Variants in ZEB2 observed in about 807,000 individuals in gnomAD.
ZEB2 encodes zinc finger E-box-binding homeobox 2.
A neutral mutation model predicts 99.9 loss-of-function variants in ZEB2; 6 were observed. The ratio of observed to expected loss-of-function variants is 0.06; its 90% CI spans 0.03 to 0.12. The LOEUF (loss-of-function observed/expected upper bound fraction) is 0.12, where lower values mean the gene tolerates loss of function less well. ZEB2 is among the 10% of genes least tolerant of loss of function. The pLI is 1.00. For missense variants in ZEB2, 969 were observed against 1,502.8 expected, an observed-to-expected ratio of 0.64 and a Z score of 5.87; for synonymous variants, 517 against 542.5, an observed-to-expected ratio of 0.95 and a Z score of 0.65.
At chr2:144,420,931 G>A (rs1375839159) in intron 4 of ZEB2, among the ~76,000 whole-genome samples, 1 of 152,152 alleles carries the variant, frequency 6.6e-6, no homozygotes, top group African/African-American at 2.4e-5. Context: ...GGCAATTCAG[G>A]ATTCTAAGAA....
chr2:144,422,736 G>A (rs898681008), intron 4 of ZEB2, among the ~76,000 whole-genome samples: 3 of 152,190 alleles, frequency 2.0e-5, no homozygotes, highest in African/African-American at 7.2e-5. Context: ...GGAGGGAGAG[G>A]TTGCAGTGAG....
At chr2:144,397,309 A>T (rs1206825301) in intron 8 of ZEB2, among the ~76,000 whole-genome samples, 1 of 152,230 alleles carries the variant, frequency 6.6e-6, no homozygotes, top group African/African-American at 2.4e-5. Flanking sequence ...TGTTTGTACT[A>T]ATTAATATTA....
At chr2:144,400,448 G>A in intron 7 of ZEB2, 178 bp from the exon 8 acceptor site, 1 of 713,458 alleles carries the variant, frequency 1.4e-6, no homozygotes, top group Non-Finnish European at 2.3e-6. Context: ...ATCTGCCCTG[G>A]GAGGACATAA....
chr2:144,391,646 C>T (rs906066527), intron 9 of ZEB2, among the ~76,000 whole-genome samples: 17 of 152,118 alleles, frequency 1.1e-4, no homozygotes, highest in Non-Finnish European at 2.1e-4. Flanking sequence ...AGGAAGCAGA[C>T]GTGTATTTGG....
At chr2:144,440,513 A>ATT (rs1404498896) in intron 2 of ZEB2, among the ~76,000 whole-genome samples, 4 of 24,100 alleles carry the variant, frequency 1.7e-4, no homozygotes, top group African/African-American at 7.4e-4. Flanking sequence ...ATATATATAT[A>ATT]TATTTTTTTT....
rs1553968382 is a variant in ZEB2, at chr2:144,483,148, A to ACACACACACACACACATG, written c.73+34129_73+34130insCATGTGTGTGTGTGTGTG. Among the ~76,000 whole-genome samples the ACACACACACACACACATG allele has an allele frequency of 1.1e-3, 156 of 144,116 alleles. 2 individuals carry two copies. Among genetic ancestry groups the ACACACACACACACACATG allele is most frequent in the African/African-American group, 3.7e-3 (148 of 39,640 alleles). The allele number at this position is 144,116 out of a possible 152,430, so 94.5% of individuals were successfully genotyped here. Reference sequence around the variant, plus strand: ...CACACACACACACACACACACACACACACACACACACACACATACCCTAAG... The same window carrying ACACACACACACACACATG: ...CACACACACACACACACACACACACACACACACACACACACATGCACACACACACACACATACCCTAAG... On this transcript the variant is annotated intron_variant, in intron 2 of 9. Coordinates refer to ENST00000627532, the MANE Select transcript of ZEB2 (RefSeq NM_014795.4).
chr2:144,476,026 C>A (rs1704425116), intron 2 of ZEB2, among the ~76,000 whole-genome samples: 1 of 152,152 alleles, frequency 6.6e-6, no homozygotes, highest in Non-Finnish European at 1.5e-5. Flanking sequence ...AATAAAACAG[C>A]CAGTGCAAAC....
intron 6 of ZEB2, among the ~76,000 whole-genome samples, chr2:144,402,485 A>G (rs1329159933): frequency 1.3e-5 from 2 of 152,184 alleles, no homozygotes; most frequent in Non-Finnish European, 2.9e-5. Flanking sequence ...TTGCATAAAC[A>G]AACAGCAACA....
chr2:144,390,096 T>G, intron 9 of ZEB2, 68 bp from the exon 10 acceptor site: 2 of 1,513,330 alleles, frequency 1.3e-6, no homozygotes, highest in Non-Finnish European at 1.8e-6. Flanking sequence ...ACTAATTCTG[T>G]ACGCGAGTCC....
In ZEB2 at chr2:144,517,704, A is replaced by C. The variant is rs1294927258; in HGVS notation, c.-69-285T>G. 1.0e-5 allele frequency: 7 copies of C among 702,072 alleles called. No homozygotes were observed. In the African/African-American group the frequency reaches 1.2e-4, roughly 12 times the overall value. 43.5% of individuals were successfully genotyped at this position (702,072 alleles called of 1,614,324 possible). Reference sequence around the variant, plus strand: ...CTCCTGACCGTATGAGGGAATGCACACGGCGGTACAGTAAGACCGCTTGAC... The same window carrying C: ...CTCCTGACCGTATGAGGGAATGCACCCGGCGGTACAGTAAGACCGCTTGAC... On this transcript the variant is annotated intron_variant, in intron 1 of 9. Transcript: ENST00000627532.
At chr2:144,426,049 GA>G (rs1384581078) in intron 3 of ZEB2, among the ~76,000 whole-genome samples, 1 of 152,060 alleles carries the variant, frequency 6.6e-6, no homozygotes, top group Non-Finnish European at 1.5e-5. Context: ...AATCAGAACT[GA>G]AAAATCATGA....
chr2:144,449,085 G>A (rs1704022620), intron 2 of ZEB2, among the ~76,000 whole-genome samples: 1 of 152,216 alleles, frequency 6.6e-6, no homozygotes, highest in South Asian at 2.1e-4. Flanking sequence ...AACTGGCTGA[G>A]CTTTCAGCCT....
At chr2:144,480,938 T>G (rs542864617) in intron 2 of ZEB2, among the ~76,000 whole-genome samples, 1 of 152,312 alleles carries the variant, frequency 6.6e-6, no homozygotes, top group South Asian at 2.1e-4. Context: ...TTCATACAGA[T>G]AGCTGCTTTT....
At chr2:144,396,674 G>T in intron 8 of ZEB2, 82 bp from the exon 9 acceptor site, 1 of 1,483,346 alleles carries the variant, frequency 6.7e-7, no homozygotes, top group Non-Finnish European at 9.2e-7. Flanking sequence ...GACATTTGGA[G>T]AACCTCAAAA....
chr2:144,476,626 A>T (rs1458547784), intron 2 of ZEB2, among the ~76,000 whole-genome samples: 2 of 152,212 alleles, frequency 1.3e-5, no homozygotes, highest in Non-Finnish European at 2.9e-5. Context: ...GAACAGGAAG[A>T]AACTTCTCAT....
chr2:144,399,188 T>C lies in ZEB2; in HGVS notation c.1999A>G (p.Met667Val), dbSNP rs772848092. Residue 667 changes from methionine to valine, a missense_variant, in exon 8 of 10, where the codon ATG (methionine) becomes GTG (valine). By Grantham distance (21) the Met-to-Val change is conservative. Transcript: ENST00000627532. The surrounding 1 kb of genome is among the most constrained non-coding windows in gnomAD (Gnocchi z 5.6). Reference sequence around the variant, plus strand: ...AGCAGTTCATCGGAGTTGGGCTCCATGTTCATAGCATAGTATGCTTTGAGT... The same window carrying C: ...AGCAGTTCATCGGAGTTGGGCTCCACGTTCATAGCATAGTATGCTTTGAGT... Reference protein sequence around the residue: ...SVLKAYYAMNMEPNSDELLKI... With the variant: ...SVLKAYYAMNVEPNSDELLKI... The C allele has an allele frequency of 1.1e-5, 17 of 1,614,204 alleles. No individual in the cohort carries two copies. In the South Asian group the frequency reaches 1.4e-4, roughly 14 times the overall value.
At chr2:144,516,443 C>CG (rs1227873477) in intron 2 of ZEB2, 4 of 148,228 alleles carry the variant, frequency 2.7e-5, no homozygotes, top group East Asian at 4.2e-4. Context: ...CTCACCCCCC[C>CG]CTTTAATATC....
At chr2:144,408,939 G>GT (rs3835994) in intron 4 of ZEB2, among the ~76,000 whole-genome samples, 38,743 of 149,764 alleles carry the variant, frequency 0.26, 5,289 homozygotes, top group African/African-American at 0.36. Context: ...CATCAAGGCA[G>GT]TTTTTTTTTT....
chr2:144,404,278 CA>C, intron 5 of ZEB2, 148 bp from the exon 6 acceptor site: 1 of 840,752 alleles, frequency 1.2e-6, no homozygotes, highest in Non-Finnish European at 1.9e-6. Flanking sequence ...CCCCCTCGCA[CA>C]CCAGTCCCCT....
Sources: allele counts gnomAD v4.1 joint callset (sites outside exome capture counted in the v4.1 genomes callset), GRCh38; gene constraint gnomAD v4.1.1; non-coding constraint Gnocchi (gnomAD v3.1); transcripts MANE v1.5; gene names NCBI Gene and HGNC (gene_info 2026-07-23, HGNC 2026-07-21).